STXBP5L: variants seen among roughly 807,000 people sequenced by gnomAD.
STXBP5L encodes syntaxin binding protein 5L.
STXBP5L carries 65 observed loss-of-function variants against 144.5 expected under a neutral mutation model. The observed-to-expected ratio is 0.45, with a 90% CI of 0.37 to 0.55. STXBP5L has a LOEUF of 0.55. Among genes scored for constraint, STXBP5L ranks in the 20% least tolerant of loss-of-function variants. The probability of loss-of-function intolerance (pLI) is 0.00; values close to 1 mark genes in which losing one functional copy is unlikely to be tolerated. For missense variants in STXBP5L, 1,298 were observed against 1,405.5 expected (o/e 0.92, Z 1.22); for synonymous variants, 505 against 469.6 (o/e 1.08, Z -0.97).
intron 19 of STXBP5L, among the ~76,000 whole-genome samples, chr3:121,286,217 C>T (rs569223732): frequency 2.0e-5 from 3 of 151,748 alleles, no homozygotes; most frequent in African/African-American, 7.2e-5. Flanking sequence ...GATAACAGAT[C>T]CTAAAAACAC....
intron 3 of STXBP5L, among the ~76,000 whole-genome samples, chr3:121,035,709 T>G (rs1946700302): frequency 6.6e-6 from 1 of 152,178 alleles, no homozygotes; most frequent in African/African-American, 2.4e-5. Context: ...TGGTTCCATA[T>G]GAATTTTAAG....
At chr3:121,145,734 A>C (rs982624215) in intron 7 of STXBP5L, among the ~76,000 whole-genome samples, 3 of 152,058 alleles carry the variant, frequency 2.0e-5, no homozygotes, top group Admixed American at 1.3e-4. Context: ...CACTAAATTT[A>C]ATTGCCAATG....
chr3:121,408,306 T>C (rs775169784), intron 23 of STXBP5L, among the ~76,000 whole-genome samples: 23 of 151,980 alleles, frequency 1.5e-4, no homozygotes, highest in Non-Finnish European at 2.8e-4. Flanking sequence ...ACGTATACTA[T>C]ATAGAAGTCA....
intron 22 of STXBP5L, among the ~76,000 whole-genome samples, chr3:121,405,549 G>A (rs2046977445): frequency 6.6e-6 from 1 of 152,050 alleles, no homozygotes; most frequent in African/African-American, 2.4e-5. Context: ...TGGGAAAGCT[G>A]GAGTAAAGTA....
rs551780649 is a variant in STXBP5L, at chr3:121,352,292, G to A, written c.2177-26424G>A. Reference sequence around the variant, plus strand: ...CCTTGGGCAGTATGGCCATTTTCACGATATTGATTCTTCCTATCCATGAGT... The same window carrying A: ...CCTTGGGCAGTATGGCCATTTTCACAATATTGATTCTTCCTATCCATGAGT... On this transcript the variant is annotated intron_variant, in intron 20 of 26. Transcript: ENST00000471454. Among the ~76,000 whole-genome samples, 551 of 152,178 alleles carry A rather than the reference G, an allele frequency of 3.6e-3. 4 individuals carry two copies. The highest frequency in any genetic ancestry group is 5.4e-3 in the Admixed American group (83 of 15,280).
chr3:121,343,887 G>T (rs2044836451), intron 20 of STXBP5L, among the ~76,000 whole-genome samples: 1 of 151,868 alleles, frequency 6.6e-6, no homozygotes, highest in African/African-American at 2.4e-5. Context: ...TCACAAAATT[G>T]GAAAAAACTA....
At position 121,341,664 on chromosome 3, in the gene STXBP5L, C is replaced by A. The variant is rs373937530; in HGVS notation, c.2176+23124C>A. Reference sequence around the variant, plus strand: ...ATAAAGAAAATATGGTAGATATACACAATGGAGTAGTATTCAACCACACCA... The same window carrying A: ...ATAAAGAAAATATGGTAGATATACAAAATGGAGTAGTATTCAACCACACCA... On this transcript the variant is annotated intron_variant, in intron 20 of 26. Transcript: ENST00000471454. Among the ~76,000 whole-genome samples, 175 of 152,238 alleles carry A rather than the reference C, an allele frequency of 1.1e-3. 1 individual carries two copies. The South Asian group carries it at 0.013, about 11-fold the overall frequency.
At chr3:121,152,806 A>G (rs2045977085) in intron 8 of STXBP5L, among the ~76,000 whole-genome samples, 1 of 152,046 alleles carries the variant, frequency 6.6e-6, no homozygotes, top group Non-Finnish European at 1.5e-5. Context: ...TGCATTTGTT[A>G]ATAGATCCTG....
intron 5 of STXBP5L, among the ~76,000 whole-genome samples, chr3:121,082,559 ACTCTG>A (rs2042301804): frequency 2.0e-5 from 3 of 152,036 alleles, no homozygotes; most frequent in South Asian, 2.1e-4. Flanking sequence ...TTGGTTAAAT[ACTCTG>A]CTCTGACCAT....
In STXBP5L at chr3:121,378,767, G is replaced by A; in HGVS notation, c.2228G>A (p.Gly743Glu). 1 of 1,613,720 alleles carries A rather than the reference G, an allele frequency of 6.2e-7. No homozygotes were observed. Among genetic ancestry groups the A allele is most frequent in the Non-Finnish European group, 8.5e-7 (1 of 1,179,820 alleles). Residue 743 changes from glycine (G) to glutamate (E), a missense_variant, in exon 21 of 27, where the codon GGA (glycine) becomes GAA (glutamate). Transcript: ENST00000471454. ...TSPTSQSCSS[G>E]KRLSSADVSK... ...CCAACTTCTCAGAGTTGCAGTTCTG[G>A]AAAACGTCTTTCTAGTGCCGATGTT...
chr3:120,985,391 T>A (rs1023221303), intron 3 of STXBP5L, among the ~76,000 whole-genome samples: 1 of 152,204 alleles, frequency 6.6e-6, no homozygotes, highest in African/African-American at 2.4e-5. Flanking sequence ...CTACTTAACA[T>A]ATCCAGCACC....
chr3:121,310,908 CA>C (rs879557751), intron 19 of STXBP5L, among the ~76,000 whole-genome samples: 81 of 141,522 alleles, frequency 5.7e-4, no homozygotes, highest in Admixed American at 6.3e-4. Flanking sequence ...GACTCTGTCT[CA>C]AAAAAAAAAA....
intron 20 of STXBP5L, among the ~76,000 whole-genome samples, chr3:121,376,811 C>T (rs1305365542): frequency 6.6e-6 from 1 of 152,108 alleles, no homozygotes; most frequent in Non-Finnish European, 1.5e-5. Context: ...CTATAAATAG[C>T]TTTGGGCAGT....
chr3:121,259,092 G>C lies in STXBP5L; in HGVS notation c.1882G>C (p.Val628Leu). The change falls in exon 18 of 27, where the codon GTT becomes CTT. Residue 628 changes from valine to leucine, a missense_variant. Val to Leu is a conservative substitution (Grantham distance 32, BLOSUM62 1). Transcript: ENST00000471454. Reference sequence around the variant, plus strand: ...GCCTCCAGGATATCAAGCAGAACTTGTTATTCAATTGGTGTGGGTAGATGG... The same window carrying C: ...GCCTCCAGGATATCAAGCAGAACTTCTTATTCAATTGGTGTGGGTAGATGG... ...RMPPGYQAEL[V>L]IQLVWVDGEP... is the part of the protein sequence containing the mutation. The C allele has an allele frequency of 1.9e-6, 3 of 1,606,684 alleles. No homozygotes were observed. The highest frequency in any genetic ancestry group is 2.6e-6 in the Non-Finnish European group (3 of 1,175,626).
At chr3:121,014,412 G>A (rs1163296202) in intron 3 of STXBP5L, among the ~76,000 whole-genome samples, 1 of 151,928 alleles carries the variant, frequency 6.6e-6, no homozygotes. Flanking sequence ...GAATTATACA[G>A]TATATATTGT....
At chr3:121,301,243 T>C (rs2051890621) in intron 19 of STXBP5L, among the ~76,000 whole-genome samples, 1 of 152,222 alleles carries the variant, frequency 6.6e-6, no homozygotes, top group Admixed American at 6.5e-5. Flanking sequence ...TTTGTAGTTC[T>C]CCTTAAAGAG....
chr3:121,418,314 A>C, intron 25 of STXBP5L, 23 bp from the exon 26 acceptor site: 1 of 1,599,024 alleles, frequency 6.3e-7, no homozygotes, highest in Non-Finnish European at 8.5e-7. Flanking sequence ...AATGTTTTAA[A>C]TTGCTATTGC....
intron 19 of STXBP5L, among the ~76,000 whole-genome samples, chr3:121,308,459 A>G (rs1312192247): frequency 1.5e-5 from 1 of 66,120 alleles, no homozygotes; most frequent in Non-Finnish European, 3.3e-5. Context: ...CAAAGGAACA[A>G]AGAGCATGTT....
At chr3:121,044,210 T>C (rs1376080860) in intron 4 of STXBP5L, among the ~76,000 whole-genome samples, 2 of 151,892 alleles carry the variant, frequency 1.3e-5, no homozygotes, top group African/African-American at 2.4e-5. Flanking sequence ...CATACAAATT[T>C]CTAAATATTT....
Sources: allele counts gnomAD v4.1 joint callset (sites outside exome capture counted in the v4.1 genomes callset), GRCh38; gene constraint gnomAD v4.1.1; transcripts MANE v1.5; gene names NCBI Gene and HGNC (gene_info 2026-07-23, HGNC 2026-07-21).